Variants in ZNF385D observed in about 807,000 individuals in gnomAD.
The protein encoded by ZNF385D is zinc finger protein 659.
Under a neutral mutation model 35.8 loss-of-function variants are expected in ZNF385D, and 15 were observed. The ratio of observed to expected loss-of-function variants is 0.42; its 90% CI spans 0.28 to 0.64. The LOEUF (loss-of-function observed/expected upper bound fraction) is 0.64. Among genes scored for constraint, ZNF385D ranks in the 30% least tolerant of loss-of-function variants. The pLI, the probability that ZNF385D is intolerant of heterozygous loss-of-function variation, is 0.23. For missense variants in ZNF385D, 474 were observed against 494.6 expected, an observed-to-expected ratio of 0.96 and a Z score of 0.39; for synonymous variants, 212 against 186.8, an observed-to-expected ratio of 1.13 and a Z score of -1.10.
intron 3 of ZNF385D, among the ~76,000 whole-genome samples, chr3:21,791,249 C>T (rs2071915075): frequency 6.6e-6 from 1 of 152,064 alleles, no homozygotes; most frequent in African/African-American, 2.4e-5. Context: ...AGTTTGCCTC[C>T]AACTAAGTAA....
chr3:21,602,528 T>TC (rs2125766860), intron 2 of ZNF385D, among the ~76,000 whole-genome samples: 1 of 78,956 alleles, frequency 1.3e-5, no homozygotes, highest in Non-Finnish European at 2.6e-5. Context: ...TTTTTTTTTT[T>TC]TTTTTTTTTT....
chr3:22,131,097 G>T (rs140315808), intron 3 of ZNF385D, among the ~76,000 whole-genome samples: 2 of 152,218 alleles, frequency 1.3e-5, no homozygotes, highest in African/African-American at 4.8e-5. Context: ...TTAAATTCAT[G>T]ATGTTTGGAT....
rs144555144 is a variant in ZNF385D at position 22,360,858 on chromosome 3, G to A, written c.106+11592C>T. Among the ~76,000 whole-genome samples the A allele has an allele frequency of 3.7e-3, 558 of 151,976 alleles. 2 individuals are homozygous for A. Among genetic ancestry groups the A allele is most frequent in the African/African-American group, 0.013 (535 of 41,486 alleles). On this transcript the variant is annotated intron_variant, in intron 2 of 5. Transcript: ENST00000494108. Reference sequence around the variant, plus strand: ...GTATTCCTATGAGATGCTATTAATCGGGGCGATCACTCAGTTGGCACATTT... The same window carrying A: ...GTATTCCTATGAGATGCTATTAATCAGGGCGATCACTCAGTTGGCACATTT...
At chr3:21,944,713 G>C (rs965336567) in intron 3 of ZNF385D, among the ~76,000 whole-genome samples, 13 of 151,892 alleles carry the variant, frequency 8.6e-5, no homozygotes, top group Non-Finnish European at 1.9e-4. Context: ...ACAAGAAAAT[G>C]CTCATTAGTG....
chr3:21,706,855 A>G lies in ZNF385D; in HGVS notation c.23-41827T>C, dbSNP rs7639204. Among the ~76,000 whole-genome samples the G allele has an allele frequency of 8.9e-3, 1,284 of 144,222 alleles. 13 individuals are homozygous for G. The highest frequency in any genetic ancestry group is 0.031 in the African/African-American group (1,185 of 37,932). 94.6% of individuals were successfully genotyped at this position (144,222 alleles called of 152,430 possible). A position where few individuals can be genotyped will look rare whatever the true frequency, so the allele number is the denominator to read the frequency against. ...AGATAGATAGATAGATAGATAGATA[A>G]ATAGATTAGACAGATAAATTCTAAT... On this transcript the variant is annotated intron_variant, in intron 1 of 7. Transcript: ENST00000281523.
chr3:21,575,344 GC>G (rs146874879), intron 2 of ZNF385D, among the ~76,000 whole-genome samples: 3,395 of 152,170 alleles, frequency 0.022, 52 homozygotes, highest in Non-Finnish European at 0.034. Flanking sequence ...TTGCCAAATA[GC>G]AAAAGATATA....
In ZNF385D at chr3:22,146,135, G is replaced by A. The variant is rs151275859; in HGVS notation, c.325+22682C>T. Among the ~76,000 whole-genome samples, 7 of 152,134 alleles carry A rather than the reference G, an allele frequency of 4.6e-5. No homozygotes were observed. In the East Asian group the frequency reaches 9.7e-4, roughly 21 times the overall value. ...TACTTCAGGAGTCATGCAAACATTC[G>A]AAGAAAGGATTAATTAGTCTAAGAG... On this transcript the variant is annotated intron_variant, in intron 3 of 5. Transcript: ENST00000494108.
At chr3:22,031,145 T>C (rs942866390) in intron 3 of ZNF385D, among the ~76,000 whole-genome samples, 4 of 152,178 alleles carry the variant, frequency 2.6e-5, no homozygotes, top group African/African-American at 9.7e-5. Context: ...TGGTGTTGAG[T>C]GCCTGCAGCT....
At chr3:21,996,438 T>G (rs1454414665) in intron 3 of ZNF385D, among the ~76,000 whole-genome samples, 1 of 152,200 alleles carries the variant, frequency 6.6e-6, no homozygotes. Context: ...GTGTTCTCTC[T>G]CAGATGATCT....
chr3:22,002,016 C>T (rs1695872655), intron 3 of ZNF385D, among the ~76,000 whole-genome samples: 1 of 151,544 alleles, frequency 6.6e-6, no homozygotes, highest in South Asian at 2.1e-4. Flanking sequence ...AAACTTGTAA[C>T]AATATAGCTC....
At chr3:21,753,412 A>T (rs11711337), upstream of ZNF385D, among the ~76,000 whole-genome samples, 36,823 of 152,188 alleles carry the variant, frequency 0.24, 5,200 homozygotes, top group East Asian at 0.37. Flanking sequence ...ATGGTCACAA[A>T]TACATCAGCA....
intron 3 of ZNF385D, among the ~76,000 whole-genome samples, chr3:21,888,520 C>T (rs1378395599): frequency 1.3e-5 from 2 of 151,982 alleles, no homozygotes; most frequent in Non-Finnish European, 2.9e-5. Context: ...AATCAAACAC[C>T]AGAAGGAACA....
intron 2 of ZNF385D, among the ~76,000 whole-genome samples, chr3:21,589,708 A>T (rs1018196624): frequency 1.3e-5 from 2 of 152,182 alleles, no homozygotes; most frequent in Admixed American, 6.5e-5. Context: ...GATATTTCAC[A>T]GAAAAGAAAA....
intron 1 of ZNF385D, among the ~76,000 whole-genome samples, chr3:21,677,817 A>G (rs1279484424): frequency 6.6e-6 from 1 of 151,982 alleles, no homozygotes; most frequent in African/African-American, 2.4e-5. Flanking sequence ...TTAGTTTTTT[A>G]GTTGTGGAAA....
At chr3:22,363,402 C>G (rs908199292) in intron 2 of ZNF385D, among the ~76,000 whole-genome samples, 1 of 152,112 alleles carries the variant, frequency 6.6e-6, no homozygotes, top group South Asian at 2.1e-4. Context: ...ATGTGGCCCC[C>G]TCATCATTCT....
intron 1 of ZNF385D, among the ~76,000 whole-genome samples, chr3:21,739,036 T>C (rs895675594): frequency 1.3e-5 from 2 of 152,184 alleles, no homozygotes; most frequent in Non-Finnish European, 2.9e-5. Flanking sequence ...AATCATCACA[T>C]ATCTAGCCGA....
At chr3:21,899,794 C>T (rs538198027) in intron 3 of ZNF385D, among the ~76,000 whole-genome samples, 1 of 152,208 alleles carries the variant, frequency 6.6e-6, no homozygotes, top group African/African-American at 2.4e-5. Flanking sequence ...TATTTAAATT[C>T]TCTGTAGCCA....
intron 2 of ZNF385D, among the ~76,000 whole-genome samples, chr3:22,185,884 T>C (rs9863131): frequency 6.6e-6 from 1 of 152,224 alleles, no homozygotes; most frequent in East Asian, 1.9e-4. Context: ...GAGTGTATTG[T>C]ACATTTAACC....
chr3:21,864,415 T>C (rs984012906), intron 3 of ZNF385D, among the ~76,000 whole-genome samples: 2 of 152,118 alleles, frequency 1.3e-5, no homozygotes, highest in Middle Eastern at 3.2e-3. Context: ...GCCTTGCCTC[T>C]CTTGAATCCT....
Sources: allele counts gnomAD v4.1 joint callset (sites outside exome capture counted in the v4.1 genomes callset), GRCh38; gene constraint gnomAD v4.1.1; transcripts MANE v1.5; gene names NCBI Gene and HGNC (gene_info 2026-07-23, HGNC 2026-07-21).